ELAVL2: variants seen among roughly 807,000 people sequenced by gnomAD.
The protein encoded by ELAVL2 is ELAV-like protein 2.
Under a neutral mutation model 34.6 loss-of-function variants are expected in ELAVL2, and 4 were observed. The ratio of observed to expected loss-of-function variants is 0.12; its 90% CI spans 0.06 to 0.26. ELAVL2 has a LOEUF of 0.26. ELAVL2 is among the 10% of genes least tolerant of loss of function. ELAVL2 has a pLI of 1.00. For missense variants in ELAVL2, 432 were observed against 442.8 expected, an observed-to-expected ratio of 0.98 and a Z score of 0.22; for synonymous variants, 193 against 154.8, an observed-to-expected ratio of 1.25 and a Z score of -1.83.
intron 6 of ELAVL2, among the ~76,000 whole-genome samples, chr9:23,693,104 T>C (rs1190611643): frequency 6.6e-6 from 1 of 152,252 alleles, no homozygotes; most frequent in Non-Finnish European, 1.5e-5. Flanking sequence ...ATGACCATTA[T>C]TCACTGTACT....
At position 23,808,195 on chromosome 9, in the gene ELAVL2, T is replaced by C. The variant is rs147632011; in HGVS notation, c.-16+17611A>G. ...GGTAGCTAGGAAGGAAATCAACAAA[T>C]GATCTTCACTAATCACCTCCCACAC... On this transcript the variant is annotated intron_variant, in intron 1 of 6. Transcript: ENST00000397312. Among the ~76,000 whole-genome samples the C allele has an allele frequency of 8.5e-4, 128 of 150,738 alleles. 1 individual carries two copies. The East Asian group carries it at 0.023, about 28-fold the overall frequency.
At chr9:23,799,082 AATT>A (rs1157934382) in intron 1 of ELAVL2, among the ~76,000 whole-genome samples, 1 of 152,198 alleles carries the variant, frequency 6.6e-6, no homozygotes, top group Non-Finnish European at 1.5e-5. Flanking sequence ...CTAAAGTGCT[AATT>A]ATTACACAAT....
At chr9:23,815,622 G>T (rs370218332) in intron 1 of ELAVL2, among the ~76,000 whole-genome samples, 1 of 151,948 alleles carries the variant, frequency 6.6e-6, no homozygotes, top group Admixed American at 6.6e-5. Context: ...TCATCTTTAC[G>T]TGGTCCTTGA....
intron 2 of ELAVL2, among the ~76,000 whole-genome samples, chr9:23,759,754 T>TTATATATA (rs774471922): frequency 0.049 from 3,959 of 80,798 alleles, 160 homozygotes; most frequent in Middle Eastern, 0.079. Flanking sequence ...ATATATAGTA[T>TTATATATA]TATATATATA....
At chr9:23,740,992 G>A (rs2049023676) in intron 2 of ELAVL2, among the ~76,000 whole-genome samples, 3 of 152,180 alleles carry the variant, frequency 2.0e-5, no homozygotes, top group Admixed American at 2.0e-4. Context: ...CCTCTAAGAT[G>A]CTCAAAAATT....
At chr9:23,815,880 T>A (rs1000243630) in intron 1 of ELAVL2, among the ~76,000 whole-genome samples, 95 of 152,256 alleles carry the variant, frequency 6.2e-4, no homozygotes, top group African/African-American at 2.3e-3. Context: ...GAATGGATTT[T>A]AAAACAAACT....
chr9:23,709,200 G>C (rs1479277496), intron 3 of ELAVL2, among the ~76,000 whole-genome samples: 1 of 152,054 alleles, frequency 6.6e-6, no homozygotes, highest in South Asian at 2.1e-4. Context: ...AATTAAAACA[G>C]CTTCCTTTCC....
chr9:23,779,648 T>C (rs2058765251), intron 1 of ELAVL2, among the ~76,000 whole-genome samples: 2 of 152,022 alleles, frequency 1.3e-5, no homozygotes, highest in Non-Finnish European at 2.9e-5. Context: ...CACCATTCTT[T>C]GCTATTCTCT....
intron 1 of ELAVL2, chr9:23,779,437 A>C (rs2058731480): frequency 1.2e-5 from 12 of 984,688 alleles, no homozygotes; most frequent in Non-Finnish European, 1.4e-5. Context: ...GAGGTGGCTG[A>C]GGGAATATGA....
intron 1 of ELAVL2, among the ~76,000 whole-genome samples, chr9:23,798,044 A>C: frequency 6.6e-6 from 1 of 152,244 alleles, no homozygotes; most frequent in East Asian, 1.9e-4. Flanking sequence ...CATCCGGCAA[A>C]GAAGGGAGAA....
intron 3 of ELAVL2, among the ~76,000 whole-genome samples, chr9:23,724,759 G>T (rs574183669): frequency 1.1e-4 from 16 of 152,200 alleles, no homozygotes; most frequent in African/African-American, 3.6e-4. Flanking sequence ...CAGAATACAA[G>T]TTAACAATGA....
At chr9:23,731,896 T>G (rs1046406825) in intron 2 of ELAVL2, among the ~76,000 whole-genome samples, 5 of 152,176 alleles carry the variant, frequency 3.3e-5, no homozygotes, top group Non-Finnish European at 5.9e-5. Context: ...CCCCATCATC[T>G]GAGCCCTCTC....
At chr9:23,843,833 C>T in the ELAVL2 span, among the ~76,000 whole-genome samples, 2 of 151,826 alleles carry the variant, frequency 1.3e-5, no homozygotes, top group African/African-American at 4.8e-5. Flanking sequence ...ATCCATTATG[C>T]TACTAGCAAC....
chr9:23,797,919 ACT>A (rs769070912), intron 1 of ELAVL2, among the ~76,000 whole-genome samples: 17 of 151,986 alleles, frequency 1.1e-4, no homozygotes, highest in Non-Finnish European at 2.4e-4. Context: ...CAAGAGTGAA[ACT>A]CTGTCTCAAA....
At chr9:23,823,224 C>G (rs1045116019) in intron 1 of ELAVL2, among the ~76,000 whole-genome samples, 15 of 152,204 alleles carry the variant, frequency 9.9e-5, no homozygotes, top group African/African-American at 3.6e-4. Context: ...TCTTTGACCT[C>G]TCAGTAAATA....
intron 2 of ELAVL2, among the ~76,000 whole-genome samples, chr9:23,746,763 C>T (rs1204843856): frequency 6.9e-6 from 1 of 145,668 alleles, no homozygotes; most frequent in African/African-American, 2.5e-5. Flanking sequence ...AAGACTGAGA[C>T]AAGTTTGTCT....
intron 2 of ELAVL2, among the ~76,000 whole-genome samples, chr9:23,748,139 T>C (rs149462413): frequency 1.8e-4 from 27 of 149,810 alleles, no homozygotes; most frequent in Admixed American, 1.1e-3. Flanking sequence ...GGTTGGGTGG[T>C]TGACTGTTAT....
At chr9:23,819,116 G>C (rs988440249) in intron 1 of ELAVL2, among the ~76,000 whole-genome samples, 1 of 152,162 alleles carries the variant, frequency 6.6e-6, no homozygotes, top group Non-Finnish European at 1.5e-5. Flanking sequence ...GATAAGCAGG[G>C]AAGGCTGGAA....
At chr9:23,827,034 G>T (rs574891544), upstream of ELAVL2, among the ~76,000 whole-genome samples, 11 of 152,346 alleles carry the variant, frequency 7.2e-5, no homozygotes, top group African/African-American at 2.4e-4. Context: ...GAATAGAAAA[G>T]TGTAGGATAA....
Sources: allele counts gnomAD v4.1 joint callset (sites outside exome capture counted in the v4.1 genomes callset), GRCh38; gene constraint gnomAD v4.1.1; transcripts MANE v1.5; gene names NCBI Gene and HGNC (gene_info 2026-07-23, HGNC 2026-07-21).